KCNB2: variants seen among roughly 807,000 people sequenced by gnomAD.
KCNB2 encodes the protein potassium voltage-gated channel subfamily B member 2.
In KCNB2, 15 loss-of-function variants were observed where a neutral mutation model predicts 61.5. That is an observed-to-expected ratio of 0.24 (90% CI 0.16 to 0.38). The LOEUF is 0.38. Ranked by LOEUF, KCNB2 falls within the 10% of genes least tolerant of loss-of-function variation. The pLI is 1.00. For missense variants in KCNB2, 828 were observed against 1,125.2 expected (o/e 0.74, Z 3.78); for synonymous variants, 457 against 446.0 (o/e 1.02, Z -0.31).
chr8:72,718,328 G>T (rs1377984613), intron 2 of KCNB2, among the ~76,000 whole-genome samples: 1 of 152,146 alleles, frequency 6.6e-6, no homozygotes, highest in Non-Finnish European at 1.5e-5. Context: ...ATACCCAAAG[G>T]ATTATAAATC....
intron 1 of KCNB2, among the ~76,000 whole-genome samples, chr8:72,559,753 A>G (rs1347462855): frequency 1.3e-5 from 2 of 152,194 alleles, no homozygotes; most frequent in South Asian, 4.1e-4. Context: ...TAGTATTTTG[A>G]CATGGGGATA....
intron 1 of KCNB2, among the ~76,000 whole-genome samples, chr8:72,548,259 A>G (rs1477871899): frequency 6.6e-6 from 1 of 152,186 alleles, no homozygotes; most frequent in Non-Finnish European, 1.5e-5. Flanking sequence ...AACCTGTAAT[A>G]TCTCTGAGGT....
chr8:72,898,398 T>A (rs1585961252), intron 2 of KCNB2, among the ~76,000 whole-genome samples: 2 of 151,916 alleles, frequency 1.3e-5, no homozygotes, highest in Non-Finnish European at 2.9e-5. Context: ...CGTATGTAAC[T>A]AACCTGCACG....
At chr8:72,719,254 A>G (rs183488714) in intron 2 of KCNB2, among the ~76,000 whole-genome samples, 1 of 152,282 alleles carries the variant, frequency 6.6e-6, no homozygotes, top group Admixed American at 6.5e-5. Flanking sequence ...AGCCACATCT[A>G]TAAGGAAAAA....
chr8:72,851,851 C>T (rs1264608542), intron 2 of KCNB2, among the ~76,000 whole-genome samples: 1 of 39,892 alleles, frequency 2.5e-5, no homozygotes, highest in African/African-American at 7.5e-5. Context: ...AAAAAAAACA[C>T]GTACTGCTGA....
intron 2 of KCNB2, among the ~76,000 whole-genome samples, chr8:72,648,785 T>C (rs1363148722): frequency 6.6e-6 from 1 of 152,262 alleles, no homozygotes; most frequent in African/African-American, 2.4e-5. Context: ...AAAGAAATTA[T>C]AATTCAGAAA....
chr8:72,684,089 G>T (rs1259206350), intron 2 of KCNB2, among the ~76,000 whole-genome samples: 1 of 152,144 alleles, frequency 6.6e-6, no homozygotes, highest in African/African-American at 2.4e-5. Flanking sequence ...GTGAGAAGTG[G>T]CCTAAAAACG....
intron 2 of KCNB2, among the ~76,000 whole-genome samples, chr8:72,738,493 G>A (rs1023659206): frequency 1.3e-5 from 2 of 152,164 alleles, no homozygotes; most frequent in Non-Finnish European, 2.9e-5. Flanking sequence ...CCAGCCCCAA[G>A]TTTGTTTCCT....
chr8:72,678,157 CAT>C (rs749775176), intron 2 of KCNB2, among the ~76,000 whole-genome samples: 5 of 152,206 alleles, frequency 3.3e-5, no homozygotes, highest in Non-Finnish European at 5.9e-5. Context: ...GAGAAAATAA[CAT>C]ATAACATTTA....
chr8:72,891,318 C>T (rs1303926785), intron 2 of KCNB2, among the ~76,000 whole-genome samples: 1 of 152,100 alleles, frequency 6.6e-6, no homozygotes, highest in East Asian at 1.9e-4. Flanking sequence ...TAACATTTAC[C>T]ACTTCAATGT....
chr8:72,561,721 A>C (rs79848310), intron 1 of KCNB2, among the ~76,000 whole-genome samples: 1 of 23,646 alleles, frequency 4.2e-5, no homozygotes, highest in Non-Finnish European at 6.5e-5. Context: ...ATATATATAT[A>C]TATATATCTA....
At chr8:72,814,026 G>C (rs1462458503) in intron 2 of KCNB2, among the ~76,000 whole-genome samples, 1 of 151,936 alleles carries the variant, frequency 6.6e-6, no homozygotes, top group Non-Finnish European at 1.5e-5. Context: ...CCCATGACAG[G>C]CTCCTGTGTG....
At chr8:72,562,710 G>A (rs1806556754) in intron 1 of KCNB2, among the ~76,000 whole-genome samples, 1 of 152,040 alleles carries the variant, frequency 6.6e-6, no homozygotes, top group African/African-American at 2.4e-5. Flanking sequence ...CACAATTTAA[G>A]CATTGAATTA....
chr8:72,603,215 C>G (rs2128982688), intron 2 of KCNB2, among the ~76,000 whole-genome samples: 1 of 152,242 alleles, frequency 6.6e-6, no homozygotes, highest in Middle Eastern at 3.4e-3. Context: ...AAAGCGAAGT[C>G]CAATAGCCTT....
At chr8:72,717,034 G>A (rs1287779253) in intron 2 of KCNB2, among the ~76,000 whole-genome samples, 1 of 151,756 alleles carries the variant, frequency 6.6e-6, no homozygotes, top group Non-Finnish European at 1.5e-5. Flanking sequence ...CAAACAGAGA[G>A]CCAAATCATG....
intron 2 of KCNB2, among the ~76,000 whole-genome samples, chr8:72,629,317 C>T (rs940739294): frequency 1.1e-4 from 16 of 152,182 alleles, no homozygotes; most frequent in African/African-American, 3.9e-4. Flanking sequence ...ATCCCAACTC[C>T]GCTTCCATCA....
chr8:72,828,104 CA>C (rs1782355644), intron 2 of KCNB2, among the ~76,000 whole-genome samples: 2 of 152,310 alleles, frequency 1.3e-5, no homozygotes, highest in African/African-American at 4.8e-5. Context: ...TGAGCCACCA[CA>C]ACTGGCCTAT....
chr8:72,917,170 G>A (rs1335823392), intron 2 of KCNB2, among the ~76,000 whole-genome samples: 1 of 152,170 alleles, frequency 6.6e-6, no homozygotes, highest in Non-Finnish European at 1.5e-5. Flanking sequence ...TCATTTCCTT[G>A]TGAGGCTTTT....
At chr8:72,668,294 C>T (rs1263635397) in intron 2 of KCNB2, among the ~76,000 whole-genome samples, 2 of 152,174 alleles carry the variant, frequency 1.3e-5, no homozygotes, top group African/African-American at 4.8e-5. Flanking sequence ...ACCTTAATTC[C>T]TCAGTTTCCA....
Sources: allele counts gnomAD v4.1 joint callset (sites outside exome capture counted in the v4.1 genomes callset), GRCh38; gene constraint gnomAD v4.1.1; transcripts MANE v1.5; gene names NCBI Gene and HGNC (gene_info 2026-07-23, HGNC 2026-07-21).